GIGYF2: variants seen among roughly 807,000 people sequenced by gnomAD.
GIGYF2 encodes the protein GRB10-interacting GYF protein 2.
In GIGYF2, 25 loss-of-function variants were observed where a neutral mutation model predicts 208.1. That is an observed-to-expected ratio of 0.12 (90% CI 0.09 to 0.17). The LOEUF (loss-of-function observed/expected upper bound fraction) is 0.17, where lower values mean the gene tolerates loss of function less well. Ranked by LOEUF, GIGYF2 falls within the 10% of genes least tolerant of loss-of-function variation. The probability of loss-of-function intolerance (pLI) is 1.00; values close to 1 mark genes in which losing one functional copy is unlikely to be tolerated. For missense variants in GIGYF2, 1,302 were observed against 1,579.4 expected, an observed-to-expected ratio of 0.82 and a Z score of 2.98; for synonymous variants, 534 against 543.8, an observed-to-expected ratio of 0.98 and a Z score of 0.25.
rs145395291 is a variant in GIGYF2, at chr2:232,733,460, GT to G, written c.-43-1693del. Among the ~76,000 whole-genome samples, 242 of 152,216 alleles carry G rather than the reference GT, an allele frequency of 1.6e-3. 1 individual carries two copies. The highest frequency in any genetic ancestry group is 5.7e-3 in the African/African-American group (235 of 41,530). ...GATAAATGAATAGCTGATTATGAAGGTTAACACACTTTTACTTTGCTGTTTC... is the reference window on the plus strand; with the variant it reads ...GATAAATGAATAGCTGATTATGAAGGTAACACACTTTTACTTTGCTGTTTC... On this transcript the variant is annotated intron_variant, in intron 2 of 28. Transcript: ENST00000373563.
chr2:232,827,412 G>A (rs1327906703), intron 21 of GIGYF2, among the ~76,000 whole-genome samples: 1 of 152,176 alleles, frequency 6.6e-6, no homozygotes, highest in Non-Finnish European at 1.5e-5. Flanking sequence ...AGAGCCTAGT[G>A]TTTTCTTTGT....
intron 2 of GIGYF2, among the ~76,000 whole-genome samples, chr2:232,711,705 GTATATA>G (rs55893272): frequency 0.016 from 1,869 of 115,764 alleles, 83 homozygotes; most frequent in African/African-American, 0.055. Context: ...TCACAATGAT[GTATATA>G]TATATATATA....
intron 8 of GIGYF2, among the ~76,000 whole-genome samples, chr2:232,763,096 C>T (rs1184046731): frequency 1.3e-5 from 2 of 152,066 alleles, no homozygotes; most frequent in Non-Finnish European, 2.9e-5. Context: ...TTAGCTTTAG[C>T]CATATTGTAG....
chr2:232,823,772 T>C (rs1051643098), intron 21 of GIGYF2, among the ~76,000 whole-genome samples: 16 of 152,236 alleles, frequency 1.1e-4, no homozygotes, highest in Non-Finnish European at 2.1e-4. Context: ...ATTGGAATTA[T>C]TTCTTCATTG....
intron 6 of GIGYF2, 66 bp from the exon 7 acceptor site, chr2:232,760,414 A>G: frequency 3.1e-6 from 3 of 978,662 alleles, no homozygotes; most frequent in Non-Finnish European, 4.9e-6. Context: ...ATATTAATTT[A>G]TGGTGGTGAA....
intron 8 of GIGYF2, among the ~76,000 whole-genome samples, chr2:232,783,983 C>T (rs1468747904): frequency 6.6e-6 from 1 of 152,092 alleles, no homozygotes; most frequent in Non-Finnish European, 1.5e-5. Flanking sequence ...CCACCACGCC[C>T]AGCCTCAGAT....
chr2:232,844,072 G>GA lies in GIGYF2; in HGVS notation c.2919dup (p.Ala974SerfsTer58). On this transcript the variant is annotated frameshift_variant, in exon 24 of 29. Transcript: ENST00000373563. LOFTEE classifies it high-confidence loss of function. ...AAAGGCGCCAGCAGAGGGAGTTGAT[G>GA]AAAGCTCTTCAGCAGCAGCAGCAAC... 1 of 1,612,570 alleles carries GA rather than the reference G, an allele frequency of 6.2e-7. No homozygotes were observed. The highest frequency in any genetic ancestry group is 8.5e-7 in the Non-Finnish European group (1 of 1,179,060).
At chr2:232,698,437 T>C (rs570625815) in intron 1 of GIGYF2, 1 of 152,338 alleles carries the variant, frequency 6.6e-6, no homozygotes, top group Non-Finnish European at 1.5e-5. Context: ...GGGAAGGTAT[T>C]CTTTCTTTAT....
chr2:232,788,593 G>A (rs2106361710), intron 9 of GIGYF2: 1 of 470,310 alleles, frequency 2.1e-6, no homozygotes, highest in East Asian at 7.0e-5. Flanking sequence ...CAAACAAGGT[G>A]AATGTTTTGG....
chr2:232,796,599 C>T (rs1385069114), intron 14 of GIGYF2, among the ~76,000 whole-genome samples: 2 of 152,210 alleles, frequency 1.3e-5, no homozygotes, highest in African/African-American at 2.4e-5. Context: ...TGGCTCACGC[C>T]TGTAATCCCA....
At chr2:232,744,095 C>G (rs1698063032) in intron 3 of GIGYF2, among the ~76,000 whole-genome samples, 1 of 152,188 alleles carries the variant, frequency 6.6e-6, no homozygotes, top group African/African-American at 2.4e-5. Flanking sequence ...ATCCACCTGC[C>G]TCAACCTCCC....
chr2:232,766,629 A>G (rs1272650520), intron 8 of GIGYF2: 3 of 152,364 alleles, frequency 2.0e-5, no homozygotes, highest in Non-Finnish European at 4.4e-5. Flanking sequence ...TCAAACAGCA[A>G]AAGTTCACAA....
Position 232,846,120 on chromosome 2 carries a change from G to A in GIGYF2, c.3460+234G>A, listed in dbSNP as rs113490567. On this transcript the variant is annotated intron_variant, in intron 26 of 28. Transcript: ENST00000373563. ...CAAAAAGTAAATGCCATCTTAGACT[G>A]CCTTAATGATACACAGGACAGAGGA... is the stretch of plus-strand genomic sequence containing the variant. Among the ~76,000 whole-genome samples, 877 of 152,270 alleles carry A rather than the reference G, an allele frequency of 5.8e-3. 3 individuals carry two copies. Among genetic ancestry groups the A allele is most frequent in the African/African-American group, 0.02 (833 of 41,548 alleles).
In GIGYF2 at chr2:232,756,320, C is replaced by A. The variant is rs759592824; in HGVS notation, c.365C>A (p.Ser122Tyr). 2 of 1,550,772 alleles carry A rather than the reference C, an allele frequency of 1.3e-6. No individual in the cohort carries two copies. Among genetic ancestry groups the A allele is most frequent in the East Asian group, 2.3e-5 (1 of 44,076 alleles). The change falls in exon 6 of 29, where the codon TCT becomes TAT. Residue 122 changes from serine to tyrosine, a missense_variant. This residue lies in a region of GIGYF2 where 189 missense variants were observed against 257.7 expected (regional missense o/e 0.73). Transcript: ENST00000373563. ...GTGGGGGCTCCTAGAGGTCGAAGTT[C>A]TTCAAGAGGGCGAGGTGAGCTTTCA... ...TVVGAPRGRS[S>Y]SRGRGRGRGE...
chr2:232,809,462 A>G (rs7606690), intron 15 of GIGYF2, among the ~76,000 whole-genome samples: 2,319 of 152,326 alleles, frequency 0.015, 63 homozygotes, highest in African/African-American at 0.052. Flanking sequence ...AAGGGCAGGA[A>G]TGGAGAATGG....
intron 3 of GIGYF2, among the ~76,000 whole-genome samples, chr2:232,739,066 G>A (rs868846572): frequency 3.9e-5 from 6 of 152,218 alleles, no homozygotes; most frequent in Middle Eastern, 3.4e-3. Flanking sequence ...AAAAGAAAAG[G>A]GTTAGGTATG....
At chr2:232,786,517 G>A (rs1284064281) in intron 8 of GIGYF2, among the ~76,000 whole-genome samples, 1 of 152,198 alleles carries the variant, frequency 6.6e-6, no homozygotes, top group Non-Finnish European at 1.5e-5. Flanking sequence ...GATTATAGGC[G>A]TGAGCCACCA....
Position 232,796,100 on chromosome 2 carries a change from A to G in GIGYF2, c.1518A>G (p.Ala506=), listed in dbSNP as rs775704650. Reference sequence around the variant, plus strand: ...TGGTGGCTTATCTCCAAGACAGTGCACTAGATGATGAAAGATTGGCATCAA... The same window carrying G: ...TGGTGGCTTATCTCCAAGACAGTGCGCTAGATGATGAAAGATTGGCATCAA... ...EKMVAYLQDS[A]LDDERLASKL... Residue 506 remains alanine, a synonymous_variant, in exon 14 of 29, where the codon GCA becomes GCG. Coordinates refer to ENST00000373563, the MANE Select transcript of GIGYF2 (RefSeq NM_001103146.3). The G allele has an allele frequency of 4.3e-5, 69 of 1,610,714 alleles. No individual in the cohort carries two copies. Among genetic ancestry groups the G allele is most frequent in the Non-Finnish European group, 5.3e-5 (62 of 1,177,016 alleles).
chr2:232,758,861 T>TG (rs1027472144), intron 6 of GIGYF2, among the ~76,000 whole-genome samples: 22 of 152,310 alleles, frequency 1.4e-4, no homozygotes, highest in African/African-American at 5.0e-4. Context: ...GTAGAGGACA[T>TG]GCGTTATATG....
Sources: allele counts gnomAD v4.1 joint callset (sites outside exome capture counted in the v4.1 genomes callset), GRCh38; gene constraint gnomAD v4.1.1; regional missense constraint gnomAD v4.1.1; transcripts MANE v1.5; gene names NCBI Gene and HGNC (gene_info 2026-07-23, HGNC 2026-07-21).